The following ENPP6 variants were observed in gnomAD, a reference collection of about 807,000 sequenced individuals.
ENPP6 encodes glycerophosphocholine cholinephosphodiesterase ENPP6.
ENPP6 carries 32 observed loss-of-function variants against 42.0 expected under a neutral mutation model. The ratio of observed to expected loss-of-function variants is 0.76; its 90% CI spans 0.58 to 1.02. The LOEUF (loss-of-function observed/expected upper bound fraction) is 1.02. Ranked by LOEUF, ENPP6 falls within the 50% of genes least tolerant of loss-of-function variation. The probability of loss-of-function intolerance (pLI) is 0.00; values close to 1 mark genes in which losing one functional copy is unlikely to be tolerated. For synonymous variants in ENPP6, 213 were observed against 216.0 expected, an observed-to-expected ratio of 0.99 and a Z score of 0.12; for missense variants, 552 against 566.8, an observed-to-expected ratio of 0.97 and a Z score of 0.27.
chr4:184,181,594 C>T (rs1732552046), intron 1 of ENPP6, among the ~76,000 whole-genome samples: 1 of 152,174 alleles, frequency 6.6e-6, no homozygotes, highest in Admixed American at 6.5e-5. Context: ...AGGCATCATG[C>T]TACCTGACTT....
chr4:184,117,968 A>T, intron 3 of ENPP6, 68 bp from the exon 4 acceptor site: 1 of 1,557,138 alleles, frequency 6.4e-7, no homozygotes, highest in Non-Finnish European at 8.7e-7. Context: ...TATCACCCCC[A>T]TAGCACTCTC....
chr4:184,113,023 C>T (rs1035836168), intron 5 of ENPP6, among the ~76,000 whole-genome samples: 1 of 152,226 alleles, frequency 6.6e-6, no homozygotes, highest in African/African-American at 2.4e-5. Context: ...CACACTCTCT[C>T]ACCTAAGAAG....
intron 6 of ENPP6, among the ~76,000 whole-genome samples, chr4:184,107,601 C>T (rs1384467616): frequency 6.6e-6 from 1 of 151,980 alleles, no homozygotes; most frequent in African/African-American, 2.4e-5. Context: ...ATGGTGAAAC[C>T]CCGTCTCTAC....
intron 2 of ENPP6, among the ~76,000 whole-genome samples, chr4:184,141,186 G>A (rs190523233): frequency 2.4e-4 from 36 of 152,304 alleles, no homozygotes; most frequent in African/African-American, 8.7e-4. Flanking sequence ...AGACTGGAGG[G>A]GGAGTGTTGT....
chr4:184,101,960 T>C (rs1358162498), intron 6 of ENPP6, among the ~76,000 whole-genome samples: 4 of 152,186 alleles, frequency 2.6e-5, no homozygotes, highest in African/African-American at 9.7e-5. Flanking sequence ...TTCCTGCCGG[T>C]GCCTGCATTC....
chr4:184,131,837 A>T (rs1004128419), intron 2 of ENPP6, among the ~76,000 whole-genome samples: 2 of 152,040 alleles, frequency 1.3e-5, no homozygotes, highest in Non-Finnish European at 2.9e-5. Context: ...ATATATATAT[A>T]TAAAGAGGTA....
intron 7 of ENPP6, among the ~76,000 whole-genome samples, chr4:184,091,669 G>A (rs570592103): frequency 6.6e-6 from 1 of 152,282 alleles, no homozygotes. Flanking sequence ...CAAGTTGGGA[G>A]GGCGAGGAGG....
chr4:184,201,394 T>C (rs893395614), intron 1 of ENPP6, among the ~76,000 whole-genome samples: 3 of 152,100 alleles, frequency 2.0e-5, no homozygotes, highest in Admixed American at 1.3e-4. Context: ...TCAATCAACA[T>C]TGGGGTGAGG....
chr4:184,099,112 C>A (rs1004873372), intron 6 of ENPP6, among the ~76,000 whole-genome samples: 1 of 152,196 alleles, frequency 6.6e-6, no homozygotes, highest in East Asian at 1.9e-4. Flanking sequence ...AAGTGACAGT[C>A]AGAGTCACAC....
intron 4 of ENPP6, 62 bp downstream of exon 4, chr4:184,117,697 G>A: frequency 6.3e-7 from 1 of 1,595,852 alleles, no homozygotes; most frequent in South Asian, 1.1e-5. Context: ...GAGTGACTGT[G>A]GAGGAGACAA....
chr4:184,209,110 A>G (rs1733064659), intron 1 of ENPP6, among the ~76,000 whole-genome samples: 1 of 150,742 alleles, frequency 6.6e-6, no homozygotes, highest in Admixed American at 6.6e-5. Flanking sequence ...AAAGACCAAA[A>G]GTAGATAAAA....
At chr4:184,114,256 G>A (rs775803854) in intron 5 of ENPP6, among the ~76,000 whole-genome samples, 4 of 152,144 alleles carry the variant, frequency 2.6e-5, no homozygotes, top group Non-Finnish European at 4.4e-5. Context: ...GTCAGCCATC[G>A]CGCCTGGCCC....
intron 1 of ENPP6, among the ~76,000 whole-genome samples, chr4:184,210,189 A>C (rs1733085107): frequency 6.6e-6 from 1 of 150,402 alleles, no homozygotes; most frequent in Admixed American, 6.6e-5. Context: ...TAACGAGCAA[A>C]ATCACCAGCT....
chr4:184,157,751 G>A (rs567370240), intron 1 of ENPP6, among the ~76,000 whole-genome samples: 2 of 149,690 alleles, frequency 1.3e-5, no homozygotes, highest in South Asian at 2.1e-4. Flanking sequence ...GGGACCACAG[G>A]CATGCGCCAC....
intron 6 of ENPP6, among the ~76,000 whole-genome samples, chr4:184,097,999 G>A (rs929549788): frequency 5.3e-5 from 8 of 152,324 alleles, no homozygotes; most frequent in South Asian, 4.1e-4. Context: ...CGGGGCGTGC[G>A]GTTCCGGAGC....
intron 1 of ENPP6, among the ~76,000 whole-genome samples, chr4:184,174,149 T>A (rs1737523321): frequency 6.6e-6 from 1 of 151,162 alleles, no homozygotes; most frequent in Non-Finnish European, 1.5e-5. Flanking sequence ...TTTTTTTTTT[T>A]TTTTCCGAGA....
intron 7 of ENPP6, 45 bp downstream of exon 7, chr4:184,097,200 C>T (rs753990248): frequency 8.1e-6 from 13 of 1,611,804 alleles, no homozygotes; most frequent in South Asian, 5.5e-5. Context: ...ACAGACACTT[C>T]CTTGGGAATG....
intron 1 of ENPP6, among the ~76,000 whole-genome samples, chr4:184,213,228 A>G (rs1733144885): frequency 6.6e-6 from 1 of 152,080 alleles, no homozygotes. Flanking sequence ...CCAAAGCCAA[A>G]ATTGACAAAT....
intron 1 of ENPP6, among the ~76,000 whole-genome samples, chr4:184,172,901 T>C (rs1483349039): frequency 1.3e-5 from 2 of 151,972 alleles, no homozygotes; most frequent in Admixed American, 1.3e-4. Context: ...TTATCCAGTG[T>C]TTTTTGTTTG....
Sources: gnomAD v4.1 joint callset for allele counts (sites outside exome capture counted in the v4.1 genomes callset) on GRCh38, gnomAD v4.1.1 for gene constraint, MANE v1.5 for transcripts, NCBI Gene and HGNC (gene_info 2026-07-23, HGNC 2026-07-21) for gene names.